The following DDX60 variants were observed in gnomAD, a reference collection of about 807,000 sequenced individuals.
DDX60 encodes DExD/H-box helicase 60, also known as probable ATP-dependent RNA helicase DDX60.
In DDX60, 165 loss-of-function variants were observed where a neutral mutation model predicts 212.8. That is an observed-to-expected ratio of 0.78 (90% CI 0.68 to 0.88). DDX60 has a LOEUF of 0.88. DDX60 is among the 40% of genes least tolerant of loss of function. The probability of loss-of-function intolerance (pLI) is 0.00; values close to 1 mark genes in which losing one functional copy is unlikely to be tolerated. For synonymous variants in DDX60, 703 were observed against 685.3 expected (o/e 1.03, Z -0.40); for missense variants, 1,905 against 2,003.9 (o/e 0.95, Z 0.94).
At chr4:168,232,513 C>T (rs538724316) in intron 33 of DDX60, among the ~76,000 whole-genome samples, 2 of 152,078 alleles carry the variant, frequency 1.3e-5, no homozygotes, top group East Asian at 1.9e-4. Context: ...TAAATATAGA[C>T]ACATAGACCA....
intron 18 of DDX60, 132 bp downstream of exon 18, chr4:168,273,147 A>C: frequency 1.1e-6 from 1 of 951,150 alleles, no homozygotes; most frequent in Non-Finnish European, 1.5e-6. Flanking sequence ...TTTTTCTAAA[A>C]GTATTTTGTC....
upstream of DDX60, among the ~76,000 whole-genome samples, chr4:168,322,314 T>G (rs1737623803): frequency 6.6e-6 from 1 of 152,204 alleles, no homozygotes; most frequent in Non-Finnish European, 1.5e-5. Flanking sequence ...CTGCTCAAGT[T>G]AGAAACCTGG....
chr4:168,239,958 T>C (rs1018358188), intron 30 of DDX60, among the ~76,000 whole-genome samples: 6 of 151,824 alleles, frequency 4.0e-5, no homozygotes, highest in African/African-American at 1.2e-4. Context: ...CAATACAGTA[T>C]TGAAAGTTCT....
In DDX60 at chr4:168,248,301, A is replaced by G. The variant is rs1488236238; in HGVS notation, c.3859-9T>C. The stretch of plus-strand genomic sequence containing the variant: ...CCAGTAGCTGTCACCACCTTGAAAG[A>G]GAATAAAACAATTACTTCATAAAAT... On this transcript the variant is annotated splice_polypyrimidine_tract_variant and intron_variant, in intron 28 of 37. Coordinates refer to ENST00000393743, the MANE Select transcript of DDX60 (RefSeq NM_017631.6). The G allele has an allele frequency of 6.4e-7, 1 of 1,561,198 alleles. No homozygotes were observed. Among genetic ancestry groups the G allele is most frequent in the Non-Finnish European group, 8.7e-7 (1 of 1,151,394 alleles).
At chr4:168,267,455 T>A (rs545725072) in intron 22 of DDX60, 127 bp downstream of exon 22, 2 of 429,158 alleles carry the variant, frequency 4.7e-6, no homozygotes, top group Non-Finnish European at 8.1e-6. Context: ...AAGGTTAAAG[T>A]ATCAGTTTCT....
intron 30 of DDX60, among the ~76,000 whole-genome samples, chr4:168,244,522 C>T (rs538655029): frequency 5.3e-5 from 8 of 152,074 alleles, no homozygotes; most frequent in East Asian, 1.9e-4. Context: ...GTCAGGAGAT[C>T]GAGACCATCC....
chr4:168,241,895 C>T (rs1397547690), intron 30 of DDX60, among the ~76,000 whole-genome samples: 1 of 152,114 alleles, frequency 6.6e-6, no homozygotes, highest in Non-Finnish European at 1.5e-5. Flanking sequence ...CCTTTCATCA[C>T]AGGCCCAGAG....
intron 1 of DDX60, among the ~76,000 whole-genome samples, chr4:168,311,658 T>C (rs1737140196): frequency 6.6e-6 from 1 of 152,130 alleles, no homozygotes; most frequent in Admixed American, 6.6e-5. Context: ...AAAAGTAGCA[T>C]TTCTGGCAGA....
At position 168,242,315 on chromosome 4, in the gene DDX60, C is replaced by A. The variant is rs370438733; in HGVS notation, c.4164+4103G>T. ...TGGAGCTGTGAGAAGAGGACCCCCA[C>A]CCTCCAGACCCCAGAATGACACATC... is the stretch of plus-strand genomic sequence containing the variant. On this transcript the variant is annotated intron_variant, in intron 30 of 37. Transcript: ENST00000393743. Among the ~76,000 whole-genome samples, 15 of 152,310 alleles carry A rather than the reference C, an allele frequency of 9.8e-5. No homozygotes were observed. In the South Asian group the frequency reaches 3.1e-3, roughly 32 times the overall value.
chr4:168,284,436 G>A (rs549701988), intron 12 of DDX60, among the ~76,000 whole-genome samples: 72 of 152,292 alleles, frequency 4.7e-4, no homozygotes, highest in African/African-American at 1.7e-3. Context: ...CAACCACCCT[G>A]AGCATGAAGG....
At chr4:168,292,305 A>G (rs1736146639) in intron 7 of DDX60, among the ~76,000 whole-genome samples, 1 of 151,954 alleles carries the variant, frequency 6.6e-6, no homozygotes, top group Non-Finnish European at 1.5e-5. Context: ...TCGGCCTCCC[A>G]AAGTGCTAGG....
At chr4:168,271,984 C>T in intron 19 of DDX60, 59 bp downstream of exon 19, 1 of 1,320,732 alleles carries the variant, frequency 7.6e-7, no homozygotes, top group African/African-American at 1.5e-5. Flanking sequence ...CACCAAATAT[C>T]TTCATTGCTA....
Position 168,221,822 on chromosome 4 carries a change from T to C in DDX60, c.4884A>G (p.Lys1628=). Reference sequence around the variant, plus strand: ...ACATTTTCCTTCCTCGGTTATCAAATTTCTGTGACAACAGCACTGGAGCCT... The same window carrying C: ...ACATTTTCCTTCCTCGGTTATCAAACTTCTGTGACAACAGCACTGGAGCCT... ...RSQAPVLLSQ[K]FDNRGRKMSL... The change falls in exon 36 of 38, where the codon AAA becomes AAG. Residue 1628 remains lysine, a synonymous_variant. Transcript: ENST00000393743. 6.2e-7 allele frequency: 1 copy of C among 1,613,380 alleles called. No individual in the cohort carries two copies. Among genetic ancestry groups the C allele is most frequent in the South Asian group, 1.1e-5 (1 of 91,002 alleles).
rs189955710 is a variant in DDX60, at chr4:168,250,936, T to C, written c.3858+18A>G. 1 of 1,548,648 alleles carries C rather than the reference T, an allele frequency of 6.5e-7. No individual in the cohort carries two copies. The highest frequency in any genetic ancestry group is 2.0e-5 in the Admixed American group (1 of 50,790). On this transcript the variant is annotated intron_variant, in intron 28 of 37. Coordinates refer to ENST00000393743, the MANE Select transcript of DDX60 (RefSeq NM_017631.6). ...ACAGTCACAATTTCAATTTTTAGAA[T>C]GAAGAAAATTCACCTACCCTAAGAT...
chr4:168,216,902 T>C lies in DDX60; in HGVS notation c.*31A>G, dbSNP rs1444855140. 10 of 1,387,172 alleles carry C rather than the reference T, an allele frequency of 7.2e-6. No homozygotes were observed. The highest frequency in any genetic ancestry group is 9.9e-6 in the Non-Finnish European group (10 of 1,012,996). The allele number at this position is 1,387,172 out of a possible 1,614,324, so 85.9% of individuals were successfully genotyped here. A position where few individuals can be genotyped will look rare whatever the true frequency, so the allele number is the denominator to read the frequency against. The stretch of plus-strand genomic sequence containing the variant: ...GTGACCTGAAAAACTACTATGGAAT[T>C]ATTTTTAAGTGGTTTGCATAGACTT... On this transcript the variant is annotated 3_prime_UTR_variant, in exon 38 of 38. Coordinates refer to ENST00000393743, the MANE Select transcript of DDX60 (RefSeq NM_017631.6).
At chr4:168,220,079 G>A (rs1318376733) in intron 37 of DDX60, among the ~76,000 whole-genome samples, 1 of 151,956 alleles carries the variant, frequency 6.6e-6, no homozygotes, top group African/African-American at 2.4e-5. Context: ...ATGCAACTAA[G>A]CAACAGTAGA....
upstream of DDX60, among the ~76,000 whole-genome samples, chr4:168,323,525 T>G (rs116247937): frequency 2.1e-3 from 314 of 152,286 alleles, no homozygotes; most frequent in African/African-American, 6.8e-3. Context: ...AAGGTGGAAG[T>G]TCCACTGAAT....
At chr4:168,240,491 A>G (rs1733801210) in intron 30 of DDX60, among the ~76,000 whole-genome samples, 1 of 152,208 alleles carries the variant, frequency 6.6e-6, no homozygotes, top group African/African-American at 2.4e-5. Flanking sequence ...TCATAGTGGA[A>G]CCAAAAAAGA....
In DDX60 at chr4:168,286,169, T is replaced by C. The variant is rs527733619; in HGVS notation, c.1340-671A>G. 4.6e-4 allele frequency among the ~76,000 whole-genome samples: 70 copies of C among 151,884 alleles called. 1 individual carries two copies. In the South Asian group the frequency reaches 8.9e-3, roughly 19 times the overall value. ...GAAGGAAGATAAAGAAAAATACCTA[T>C]GCCTTTTATTTTCAAATGTGAATTC... On this transcript the variant is annotated intron_variant, in intron 10 of 37. Transcript: ENST00000393743.
Sources: allele counts gnomAD v4.1 joint callset (sites outside exome capture counted in the v4.1 genomes callset), GRCh38; gene constraint gnomAD v4.1.1; transcripts MANE v1.5; gene names NCBI Gene and HGNC (gene_info 2026-07-23, HGNC 2026-07-21).